The following SASH1 variants were observed in gnomAD, a reference collection of about 807,000 sequenced individuals.
SASH1 encodes SAM and SH3 domain-containing protein 1.
A neutral mutation model predicts 125.2 loss-of-function variants in SASH1; 44 were observed. That is an observed-to-expected ratio of 0.35 (90% CI 0.28 to 0.45). The LOEUF (loss-of-function observed/expected upper bound fraction) is 0.45, where lower values mean the gene tolerates loss of function less well. Ranked by LOEUF, SASH1 falls within the 20% of genes least tolerant of loss-of-function variation. The pLI is 1.00. For missense variants in SASH1, 1,426 were observed against 1,614.5 expected, an observed-to-expected ratio of 0.88 and a Z score of 2.00; for synonymous variants, 639 against 649.1, an observed-to-expected ratio of 0.98 and a Z score of 0.24.
rs1259560943 is a variant in SASH1, at chr6:148,343,227, A to G, written c.156+4A>G. The G allele has an allele frequency of 1.9e-6, 3 of 1,582,138 alleles. No individual in the cohort carries two copies. The highest frequency in any genetic ancestry group is 1.7e-6 in the Non-Finnish European group (2 of 1,168,872). On this transcript the variant is annotated splice_donor_region_variant and intron_variant, in intron 1 of 19. Coordinates refer to ENST00000367467, the MANE Select transcript of SASH1 (RefSeq NM_015278.5). ...GACCGACGTGATGGGTATCCTGGTA[A>G]GTTACCTGGGGAGGGGGCGGCGCAG...
chr6:148,309,692 C>T (rs894064395), intron 1 of SASH1, among the ~76,000 whole-genome samples: 1 of 149,966 alleles, frequency 6.7e-6, no homozygotes, highest in East Asian at 1.9e-4. Flanking sequence ...AAAGCTAGTT[C>T]CTCTCTCCTT....
chr6:148,333,622 C>T (rs540170231), intron 1 of SASH1, among the ~76,000 whole-genome samples: 14 of 152,206 alleles, frequency 9.2e-5, no homozygotes, highest in Admixed American at 5.9e-4. Flanking sequence ...AGTGCAATGG[C>T]GCGATCTCGG....
intron 1 of SASH1, among the ~76,000 whole-genome samples, chr6:148,286,270 G>A (rs6913340): frequency 0.9 from 137,016 of 151,984 alleles, 61,891 homozygotes; most frequent in African/African-American, 0.96. Context: ...GCGTGGTGGC[G>A]TATGCTTGTA....
chr6:148,471,048 T>C (rs559523850), intron 5 of SASH1, among the ~76,000 whole-genome samples: 1 of 152,110 alleles, frequency 6.6e-6, no homozygotes, highest in South Asian at 2.1e-4. Flanking sequence ...TGTGGTGTAG[T>C]TGAAATAATT....
chr6:148,215,536 G>T, the SASH1 span, among the ~76,000 whole-genome samples: 145 of 152,268 alleles, frequency 9.5e-4, no homozygotes, highest in African/African-American at 3.2e-3. Context: ...GTGGAAAAAG[G>T]TTATCCTCAT....
the SASH1 span, among the ~76,000 whole-genome samples, chr6:148,245,108 G>A: frequency 2.6e-5 from 4 of 152,252 alleles, no homozygotes; most frequent in Non-Finnish European, 5.9e-5. Flanking sequence ...CCTTAAAGAG[G>A]AAATGTTAAA....
At chr6:148,537,774 T>TTGTGTGTGTGTGTGTG (rs1173037021) in intron 16 of SASH1, among the ~76,000 whole-genome samples, 1 of 110,740 alleles carries the variant, frequency 9.0e-6, no homozygotes, top group African/African-American at 3.3e-5. Context: ...TCTTAGCATA[T>TTGTGTGTGTGTGTGTG]TCTGTGTGTG....
intron 17 of SASH1, among the ~76,000 whole-genome samples, chr6:148,542,544 G>T (rs1782281951): frequency 1.3e-5 from 2 of 152,096 alleles, no homozygotes; most frequent in Non-Finnish European, 2.9e-5. Flanking sequence ...CTGCCACCAT[G>T]CCCGGCTAAT....
chr6:148,214,158 A>AC, the SASH1 span, among the ~76,000 whole-genome samples: 1 of 152,132 alleles, frequency 6.6e-6, no homozygotes, highest in Non-Finnish European at 1.5e-5. Context: ...CTTTTTTCTG[A>AC]CAGGAGTATC....
In SASH1 at chr6:148,532,703, T is replaced by G; in HGVS notation, c.1565-94T>G. ...GCTCAAGGCTTCCTTTCTCTGGGCC[T>G]TCATTTCCTAATCTGCCATACCTTC... On this transcript the variant is annotated intron_variant, in intron 13 of 19. Coordinates refer to ENST00000367467, the MANE Select transcript of SASH1 (RefSeq NM_015278.5). The surrounding 1 kb of genome is among the most constrained non-coding windows in gnomAD (Gnocchi z 4.7). 6.9e-7 allele frequency: 1 copy of G among 1,447,664 alleles called. No individual in the cohort carries two copies. The highest frequency in any genetic ancestry group is 2.3e-5 in the East Asian group (1 of 43,846). 89.7% of individuals were successfully genotyped at this position (1,447,664 alleles called of 1,614,324 possible). A position where few individuals can be genotyped will look rare whatever the true frequency, so the allele number is the denominator to read the frequency against.
chr6:148,507,199 T>G (rs557911786), intron 8 of SASH1, among the ~76,000 whole-genome samples: 2 of 152,170 alleles, frequency 1.3e-5, no homozygotes, highest in East Asian at 3.9e-4. Flanking sequence ...GGAGTTTAAT[T>G]CTTGGCAAGG....
chr6:148,197,073 G>A, the SASH1 span, among the ~76,000 whole-genome samples: 1 of 152,214 alleles, frequency 6.6e-6, no homozygotes, highest in Non-Finnish European at 1.5e-5. Context: ...GACTGGGTAG[G>A]ACATGGGAGT....
chr6:148,286,395 CA>C (rs1471416330), intron 1 of SASH1, among the ~76,000 whole-genome samples: 8 of 147,080 alleles, frequency 5.4e-5, no homozygotes, highest in Admixed American at 4.1e-4. Flanking sequence ...AGCTTGACTC[CA>C]TCTCAAAAAA....
At chr6:148,352,179 T>A (rs1781752975) in intron 1 of SASH1, among the ~76,000 whole-genome samples, 1 of 152,238 alleles carries the variant, frequency 6.6e-6, no homozygotes, top group African/African-American at 2.4e-5. Flanking sequence ...AAATTGTGGC[T>A]TTAACCCTTA....
At chr6:148,330,770 G>A (rs1780972552) in intron 1 of SASH1, among the ~76,000 whole-genome samples, 1 of 152,108 alleles carries the variant, frequency 6.6e-6, no homozygotes, top group African/African-American at 2.4e-5. Flanking sequence ...ATTTTTAGCA[G>A]AGATGGGGTT....
chr6:148,469,594 A>T (rs780460063), intron 5 of SASH1, among the ~76,000 whole-genome samples: 1 of 152,114 alleles, frequency 6.6e-6, no homozygotes, highest in Non-Finnish European at 1.5e-5. Flanking sequence ...TTAGGTGGGC[A>T]TAGCACCATG....
At chr6:148,351,023 G>T (rs1781706847) in intron 1 of SASH1, among the ~76,000 whole-genome samples, 1 of 152,012 alleles carries the variant, frequency 6.6e-6, no homozygotes, top group African/African-American at 2.4e-5. Flanking sequence ...TTCTTTATGA[G>T]GAGAGATGCT....
At chr6:148,369,893 G>A (rs1416136947) in intron 1 of SASH1, among the ~76,000 whole-genome samples, 2 of 140,210 alleles carry the variant, frequency 1.4e-5, no homozygotes, top group Admixed American at 1.6e-4. Context: ...GGCAGAGGCT[G>A]CAATGAGCCG....
At chr6:148,264,513 C>T in the SASH1 span, among the ~76,000 whole-genome samples, 1 of 152,334 alleles carries the variant, frequency 6.6e-6, no homozygotes, top group East Asian at 1.9e-4. Context: ...TCAATGGTTT[C>T]TTATTGGGTC....
Sources: allele counts gnomAD v4.1 joint callset (sites outside exome capture counted in the v4.1 genomes callset), GRCh38; gene constraint gnomAD v4.1.1; non-coding constraint Gnocchi (gnomAD v3.1); transcripts MANE v1.5; gene names NCBI Gene and HGNC (gene_info 2026-07-23, HGNC 2026-07-21).